Variants in AFAP1 observed in about 807,000 individuals in gnomAD.
AFAP1 encodes actin filament associated protein 1.
In AFAP1, 75 loss-of-function variants were observed where a neutral mutation model predicts 93.9. The ratio of observed to expected loss-of-function variants is 0.80; its 90% CI spans 0.66 to 0.97. The LOEUF is 0.97. AFAP1 is among the 50% of genes least tolerant of loss of function. The pLI, the probability that AFAP1 is intolerant of heterozygous loss-of-function variation, is 0.00. For missense variants in AFAP1, 1,201 were observed against 1,050.8 expected (o/e 1.14, Z -1.98); for synonymous variants, 517 against 430.7 (o/e 1.20, Z -2.48).
In AFAP1 at chr4:7,759,167, C is replaced by G. The variant is rs1713420735; in HGVS notation, c.*4598G>C. 2 of 152,624 alleles carry G rather than the reference C, an allele frequency of 1.3e-5. No individual in the cohort carries two copies. Among genetic ancestry groups the G allele is most frequent in the South Asian group, 2.1e-4 (1 of 4,836 alleles). The allele number at this position is 152,624 out of a possible 1,614,324, so 9.5% of individuals were successfully genotyped here. ...ATGTTAAAATGTAAAGTGAATATTT[C>G]CTTTCTTGTTAGAAAATCAAAAAGA... On this transcript the variant is annotated 3_prime_UTR_variant, in exon 18 of 18. Transcript: ENST00000420658.
In AFAP1 at chr4:7,871,941, A is replaced by G; in HGVS notation, c.127+11T>C. The G allele has an allele frequency of 6.2e-7, 1 of 1,614,054 alleles. No homozygotes were observed. The highest frequency in any genetic ancestry group is 8.5e-7 in the Non-Finnish European group (1 of 1,179,992). ...GTAAGAAGGAAAAGCAGGCGTCAGA[A>G]TGAGACTCACCTTTGGATGACTGTA... On this transcript the variant is annotated intron_variant, in intron 2 of 17. Transcript: ENST00000420658.
At chr4:7,765,751 G>T in intron 17 of AFAP1, among the ~76,000 whole-genome samples, 1 of 152,214 alleles carries the variant, frequency 6.6e-6, no homozygotes, top group Non-Finnish European at 1.5e-5. Context: ...CAGACGCCAG[G>T]GCCAGACCTT....
At chr4:7,818,966 CTTT>C in intron 7 of AFAP1, 107 bp downstream of exon 7, 2 of 1,065,548 alleles carry the variant, frequency 1.9e-6, no homozygotes, top group South Asian at 1.9e-5. Flanking sequence ...TGCACTTTTT[CTTT>C]TTTAACTGGA....
At chr4:7,783,815 G>A (rs1037634046) in intron 12 of AFAP1, among the ~76,000 whole-genome samples, 1 of 152,242 alleles carries the variant, frequency 6.6e-6, no homozygotes, top group African/African-American at 2.4e-5. Flanking sequence ...AGGTTCGTGT[G>A]TAAGGCGTGC....
chr4:7,893,576 G>C (rs1718594419), intron 1 of AFAP1, among the ~76,000 whole-genome samples: 2 of 43,718 alleles, frequency 4.6e-5, no homozygotes, highest in Non-Finnish European at 8.4e-5. Flanking sequence ...GTGGGACTCT[G>C]TCTCAAAAAA....
intron 4 of AFAP1, among the ~76,000 whole-genome samples, chr4:7,846,209 G>C (rs1262819540): frequency 6.6e-6 from 1 of 152,218 alleles, no homozygotes; most frequent in Admixed American, 6.5e-5. Context: ...GGGACTGACA[G>C]TGTTCTACCC....
chr4:7,866,217 G>C lies in AFAP1; in HGVS notation c.225+2405C>G, dbSNP rs571883762. Reference sequence around the variant, plus strand: ...CAGCAGGTTTTTTGTTTTTTTTTGAGACAGAGTCTCGCTCTGTCACCCAGG... The same window carrying C: ...CAGCAGGTTTTTTGTTTTTTTTTGACACAGAGTCTCGCTCTGTCACCCAGG... On this transcript the variant is annotated intron_variant, in intron 3 of 17. Transcript: ENST00000420658. Among the ~76,000 whole-genome samples the C allele has an allele frequency of 3.1e-4, 46 of 148,732 alleles. No homozygotes were observed. The South Asian group carries it at 8.9e-3, about 29-fold the overall frequency.
At position 7,871,961 on chromosome 4, in the gene AFAP1, A is replaced by C; in HGVS notation, c.118T>G (p.Ser40Ala). ...VITNILLRIQ[S>A]SKGFDVKDHA... ...TCAGAATGAGACTCACCTTTGGATGACTGTATTCTTAGCAGAATGTTGGTT... is the reference window on the plus strand; with the variant it reads ...TCAGAATGAGACTCACCTTTGGATGCCTGTATTCTTAGCAGAATGTTGGTT... Residue 40 changes from serine to alanine, a missense_variant, in exon 2 of 18, where the codon TCA becomes GCA. By Grantham distance (99) the Ser-to-Ala change is moderately conservative (BLOSUM62 1). Coordinates refer to ENST00000420658, the MANE Select transcript of AFAP1 (RefSeq NM_001134647.2). 1 of 1,614,222 alleles carries C rather than the reference A, an allele frequency of 6.2e-7. No individual in the cohort carries two copies. The highest frequency in any genetic ancestry group is 8.5e-7 in the Non-Finnish European group (1 of 1,180,032).
At chr4:7,857,653 C>A (rs1404404316) in intron 3 of AFAP1, among the ~76,000 whole-genome samples, 1 of 152,226 alleles carries the variant, frequency 6.6e-6, no homozygotes, top group East Asian at 1.9e-4. Context: ...AAGTTAAAAT[C>A]TCTGCTGGCT....
chr4:7,895,893 C>G (rs1378565039), intron 1 of AFAP1, among the ~76,000 whole-genome samples: 1 of 129,358 alleles, frequency 7.7e-6, no homozygotes, highest in Admixed American at 8.8e-5. Flanking sequence ...GAGTTTCACT[C>G]TTATGCCCAG....
intron 12 of AFAP1, among the ~76,000 whole-genome samples, chr4:7,782,181 G>C (rs1716842145): frequency 2.0e-5 from 3 of 152,242 alleles, no homozygotes; most frequent in Admixed American, 1.3e-4. Flanking sequence ...GGGGAAAAAG[G>C]GGGAAATGGA....
intron 3 of AFAP1, among the ~76,000 whole-genome samples, chr4:7,858,979 T>C (rs1466080263): frequency 6.6e-6 from 1 of 152,210 alleles, no homozygotes. Context: ...AATGTACCAC[T>C]GAATGGCAGC....
chr4:7,897,514 TTTTG>T (rs976303604), intron 1 of AFAP1, among the ~76,000 whole-genome samples: 175 of 144,216 alleles, frequency 1.2e-3, no homozygotes, highest in African/African-American at 3.9e-3. Flanking sequence ...CGCTTGTTTT[TTTTG>T]TTTGTTTGTT....
chr4:7,925,832 C>A (rs927021253), intron 1 of AFAP1, among the ~76,000 whole-genome samples: 1 of 132,852 alleles, frequency 7.5e-6, no homozygotes, highest in Non-Finnish European at 1.6e-5. Flanking sequence ...GCAATAAGAG[C>A]GAAACTCTGT....
At chr4:7,916,923 C>T (rs1242052469) in intron 1 of AFAP1, among the ~76,000 whole-genome samples, 1 of 152,202 alleles carries the variant, frequency 6.6e-6, no homozygotes, top group Non-Finnish European at 1.5e-5. Context: ...CTGTACCAGA[C>T]ACTGAATGTA....
chr4:7,775,925 C>T (rs1716065457), intron 14 of AFAP1: 1 of 152,148 alleles, frequency 6.6e-6, no homozygotes, highest in African/African-American at 2.4e-5. Context: ...AATTTACAGA[C>T]TTGGCAACTT....
intron 1 of AFAP1, among the ~76,000 whole-genome samples, chr4:7,882,829 A>T (rs1366947366): frequency 6.6e-6 from 1 of 152,098 alleles, no homozygotes; most frequent in Non-Finnish European, 1.5e-5. Flanking sequence ...ACTGCACTCC[A>T]GCCTGGTGAC....
chr4:7,934,374 TGA>T (rs1012650572), intron 1 of AFAP1, among the ~76,000 whole-genome samples: 6 of 152,190 alleles, frequency 3.9e-5, no homozygotes, highest in African/African-American at 1.4e-4. Context: ...TCTCCACGTG[TGA>T]GTCACGAGTC....
At chr4:7,813,097 T>C (rs1720191135) in intron 8 of AFAP1, among the ~76,000 whole-genome samples, 1 of 152,082 alleles carries the variant, frequency 6.6e-6, no homozygotes, top group East Asian at 1.9e-4. Flanking sequence ...GCATGGAGCC[T>C]GGACTGTCTC....
Sources: allele counts gnomAD v4.1 joint callset (sites outside exome capture counted in the v4.1 genomes callset), GRCh38; gene constraint gnomAD v4.1.1; transcripts MANE v1.5; gene names NCBI Gene and HGNC (gene_info 2026-07-23, HGNC 2026-07-21).